MEIS1: variants seen among roughly 807,000 people sequenced by gnomAD.
MEIS1 encodes the protein Meis homeobox 1, also known as homeobox protein Meis1.
MEIS1 carries 5 observed loss-of-function variants against 50.8 expected under a neutral mutation model. The observed-to-expected ratio is 0.10, with a 90% CI of 0.05 to 0.21. MEIS1 has a LOEUF of 0.21. Ranked by LOEUF, MEIS1 falls within the 10% of genes least tolerant of loss-of-function variation. MEIS1 has a pLI of 1.00. For synonymous variants in MEIS1, 176 were observed against 179.3 expected (o/e 0.98, Z 0.15); for missense variants, 318 against 517.3 (o/e 0.61, Z 3.74).
At chr2:66,510,232 T>C (rs904477827) in intron 7 of MEIS1, among the ~76,000 whole-genome samples, 2 of 152,224 alleles carry the variant, frequency 1.3e-5, no homozygotes, top group African/African-American at 4.8e-5. Flanking sequence ...TACTGGACTT[T>C]CAAAGAATTT....
chr2:66,496,856 A>T (rs1673417593), intron 7 of MEIS1, among the ~76,000 whole-genome samples: 2 of 152,112 alleles, frequency 1.3e-5, no homozygotes. Context: ...TTGACTTTAC[A>T]AAGCATTGGA....
At chr2:66,500,113 A>G (rs1328750196) in intron 7 of MEIS1, among the ~76,000 whole-genome samples, 5 of 152,226 alleles carry the variant, frequency 3.3e-5, no homozygotes, top group Non-Finnish European at 5.9e-5. Context: ...AACTGCATCT[A>G]AATTAAATGT....
intron 1 of MEIS1, 118 bp from the exon 2 acceptor site, chr2:66,437,619 C>T (rs59655759): frequency 0.015 from 12,752 of 843,110 alleles, 708 homozygotes; most frequent in African/African-American, 0.15. Flanking sequence ...TGCAAGGCCA[C>T]CGAATTCCGG....
intron 7 of MEIS1, among the ~76,000 whole-genome samples, chr2:66,488,841 T>A (rs1572848825): frequency 6.6e-6 from 1 of 152,176 alleles, no homozygotes. Context: ...TTCAGCAAAA[T>A]CCTTTTAGTA....
At chr2:66,503,151 C>T (rs905558675) in intron 7 of MEIS1, among the ~76,000 whole-genome samples, 2 of 152,144 alleles carry the variant, frequency 1.3e-5, no homozygotes, top group Non-Finnish European at 2.9e-5. Context: ...GGAAATGAGG[C>T]ATTGTTTGAC....
At chr2:66,436,667 C>G (rs556144743) in intron 1 of MEIS1, among the ~76,000 whole-genome samples, 3 of 152,294 alleles carry the variant, frequency 2.0e-5, no homozygotes, top group African/African-American at 7.2e-5. Flanking sequence ...TCCTTTGGTT[C>G]AGGCAAATGT....
At chr2:66,461,383 C>T (rs551982598) in intron 6 of MEIS1, among the ~76,000 whole-genome samples, 3 of 152,272 alleles carry the variant, frequency 2.0e-5, no homozygotes, top group African/African-American at 7.2e-5. Context: ...AGACTTTAAT[C>T]ATGCTTAATG....
At chr2:66,440,506 TTTTC>T in intron 3 of MEIS1, 52 bp from the exon 4 acceptor site, 3 of 1,495,388 alleles carry the variant, frequency 2.0e-6, no homozygotes, top group South Asian at 2.4e-5. Flanking sequence ...GATTTCAAAT[TTTTC>T]TTTCTTTTTT....
intron 7 of MEIS1, among the ~76,000 whole-genome samples, chr2:66,478,763 A>G (rs913476791): frequency 4.6e-5 from 7 of 152,250 alleles, no homozygotes; most frequent in Non-Finnish European, 1.0e-4. Context: ...AGGCAGAGAA[A>G]GGCAACTGGG....
At chr2:66,500,714 C>T (rs1194815700) in intron 7 of MEIS1, among the ~76,000 whole-genome samples, 3 of 152,142 alleles carry the variant, frequency 2.0e-5, no homozygotes, top group African/African-American at 4.8e-5. Context: ...CATGAGCCAC[C>T]GTGCCCGGCC....
At chr2:66,493,564 CAAT>C (rs1183856772) in intron 7 of MEIS1, among the ~76,000 whole-genome samples, 1 of 152,088 alleles carries the variant, frequency 6.6e-6, no homozygotes, top group East Asian at 1.9e-4. Context: ...ATCATCATAT[CAAT>C]AATAATAAAA....
At chr2:66,443,162 G>C in intron 6 of MEIS1, 114 bp downstream of exon 6, 1 of 1,210,172 alleles carries the variant, frequency 8.3e-7, no homozygotes, top group East Asian at 3.0e-5. Flanking sequence ...GTCCCTTTTA[G>C]ATACATTTCC....
chr2:66,526,447 G>T (rs1674253665), intron 8 of MEIS1, among the ~76,000 whole-genome samples: 1 of 152,138 alleles, frequency 6.6e-6, no homozygotes, highest in Non-Finnish European at 1.5e-5. Context: ...TTTATTTCCA[G>T]TTTGCATAGA....
Position 66,464,210 on chromosome 2 carries a change from C to G in MEIS1, c.732C>G (p.Ser244Arg). The G allele has an allele frequency of 6.3e-7, 1 of 1,596,002 alleles. No homozygotes were observed. The highest frequency in any genetic ancestry group is 8.5e-7 in the Non-Finnish European group (1 of 1,171,154). ...ACACGTCACACAGTGGGGACAACAG[C>G]AGTGAGCAAGGTAGGAGAGATGTTA... Reference protein sequence around the residue: ...GGHTSHSGDNSSEQGDGLDNS... With the variant: ...GGHTSHSGDNRSEQGDGLDNS... The change falls in exon 7 of 13, where the codon AGC (serine) becomes AGG (arginine). Residue 244 changes from serine (S) to arginine (R), a missense_variant. Transcript: ENST00000272369.
intron 8 of MEIS1, among the ~76,000 whole-genome samples, chr2:66,531,837 G>C (rs1293735442): frequency 1.3e-5 from 2 of 152,090 alleles, no homozygotes; most frequent in African/African-American, 4.8e-5. Context: ...GCCATCTTGA[G>C]CCAAGACAGT....
At chr2:66,461,137 C>T (rs1351325387) in intron 6 of MEIS1, among the ~76,000 whole-genome samples, 1 of 152,116 alleles carries the variant, frequency 6.6e-6, no homozygotes. Context: ...TTCTGTCAGC[C>T]TTACATTACA....
chr2:66,473,397 A>AAAAAATATATATATATAT, intron 7 of MEIS1, among the ~76,000 whole-genome samples: 6 of 107,578 alleles, frequency 5.6e-5, no homozygotes, highest in African/African-American at 2.9e-4. Flanking sequence ...AAAAAAAAAA[A>AAAAAATATATATATATAT]ATATATATAT....
intron 7 of MEIS1, among the ~76,000 whole-genome samples, chr2:66,475,014 C>A (rs1672856284): frequency 6.6e-6 from 1 of 151,810 alleles, no homozygotes; most frequent in Non-Finnish European, 1.5e-5. Context: ...TGTAGTTTGA[C>A]TCTTTCCTTG....
intron 7 of MEIS1, among the ~76,000 whole-genome samples, chr2:66,491,640 A>G (rs1673275800): frequency 6.6e-6 from 1 of 152,196 alleles, no homozygotes; most frequent in African/African-American, 2.4e-5. Flanking sequence ...ATTTAAAAAA[A>G]TTAGTGTATG....
Sources: gnomAD v4.1 joint callset for allele counts (sites outside exome capture counted in the v4.1 genomes callset) on GRCh38, gnomAD v4.1.1 for gene constraint, MANE v1.5 for transcripts, NCBI Gene and HGNC (gene_info 2026-07-23, HGNC 2026-07-21) for gene names.